The following ARAP2 variants were observed in gnomAD, a reference collection of about 807,000 sequenced individuals.
ARAP2 encodes arf-GAP with Rho-GAP domain, ANK repeat and PH domain-containing protein 2.
A neutral mutation model predicts 194.5 loss-of-function variants in ARAP2; 148 were observed. The ratio of observed to expected loss-of-function variants is 0.76; its 90% CI spans 0.67 to 0.87. ARAP2 has a LOEUF of 0.87. Among genes scored for constraint, ARAP2 ranks in the 40% least tolerant of loss-of-function variants. ARAP2 has a pLI of 0.00. For missense variants in ARAP2, 2,128 were observed against 1,989.7 expected (o/e 1.07, Z -1.32); for synonymous variants, 695 against 683.5 (o/e 1.02, Z -0.26).
chr4:36,179,544 CA>C (rs1221076031), intron 8 of ARAP2, among the ~76,000 whole-genome samples: 1 of 152,162 alleles, frequency 6.6e-6, no homozygotes, highest in Non-Finnish European at 1.5e-5. Flanking sequence ...AAGAAACTGG[CA>C]AACCTTGAGG....
At chr4:36,239,424 T>C (rs535037477) in intron 1 of ARAP2, among the ~76,000 whole-genome samples, 12 of 152,162 alleles carry the variant, frequency 7.9e-5, no homozygotes, top group East Asian at 1.9e-4. Flanking sequence ...GTGTGGTATA[T>C]ACACAAAATG....
At chr4:36,042,779 T>G (rs758756987) in intron 5 of ARAP2, among the ~76,000 whole-genome samples, 2 of 152,116 alleles carry the variant, frequency 1.3e-5, no homozygotes, top group Non-Finnish European at 2.9e-5. Flanking sequence ...CCAGAGTTCA[T>G]TGGGCACTCA....
At chr4:36,107,079 C>G (rs1718612973) in intron 27 of ARAP2, among the ~76,000 whole-genome samples, 1 of 151,932 alleles carries the variant, frequency 6.6e-6, no homozygotes, top group Non-Finnish European at 1.5e-5. Context: ...CTATCTCCTT[C>G]CAGTTGGATG....
At chr4:36,009,062 G>A (rs763300705) in intron 9 of ARAP2, among the ~76,000 whole-genome samples, 3 of 152,008 alleles carry the variant, frequency 2.0e-5, no homozygotes, top group Non-Finnish European at 4.4e-5. Context: ...TGTTGGTGAG[G>A]CTCTGGAAAA....
chr4:36,062,378 T>C (rs1724586897), downstream of ARAP2, among the ~76,000 whole-genome samples: 1 of 152,016 alleles, frequency 6.6e-6, no homozygotes, highest in Admixed American at 6.6e-5. Flanking sequence ...CTCATCTGAG[T>C]TTTGGTTCAT....
chr4:36,240,260 CT>C (rs1404477515), intron 1 of ARAP2, among the ~76,000 whole-genome samples: 1 of 151,910 alleles, frequency 6.6e-6, no homozygotes, highest in Non-Finnish European at 1.5e-5. Flanking sequence ...ATTCATACCA[CT>C]ATATTGCACT....
At chr4:36,145,968 A>G (rs1410345762) in intron 19 of ARAP2, among the ~76,000 whole-genome samples, 1 of 151,962 alleles carries the variant, frequency 6.6e-6, no homozygotes, top group African/African-American at 2.4e-5. Flanking sequence ...TACTCACCAG[A>G]TCCACTTTGC....
chr4:36,083,392 T>C lies in ARAP2; in HGVS notation c.4484A>G (p.Lys1495Arg). 6.2e-7 allele frequency: 1 copy of C among 1,608,902 alleles called. No homozygotes were observed. Among genetic ancestry groups the C allele is most frequent in the Non-Finnish European group, 8.5e-7 (1 of 1,177,988 alleles). ...LSSMKFYRGVKKKMKPPTSWG... is the reference protein window; with the variant it reads ...LSSMKFYRGVRKKMKPPTSWG... ...CCTTGTTGGAGGCTTCATTTTCTTT[T>C]TCACTCCACGATAAAACTTCATGGA... Residue 1495 changes from lysine to arginine, a missense_variant, in exon 29 of 33, where the codon AAA (lysine) becomes AGA (arginine). Coordinates refer to ENST00000303965, the MANE Select transcript of ARAP2 (RefSeq NM_015230.4).
At chr4:36,030,384 A>C (rs1002032198) in intron 5 of ARAP2, among the ~76,000 whole-genome samples, 9 of 152,124 alleles carry the variant, frequency 5.9e-5, no homozygotes, top group Non-Finnish European at 1.0e-4. Flanking sequence ...AATGTCTTCA[A>C]GATGGCAATT....
At chr4:36,112,756 A>G (rs1189955992) in intron 26 of ARAP2, among the ~76,000 whole-genome samples, 2 of 151,884 alleles carry the variant, frequency 1.3e-5, no homozygotes, top group Non-Finnish European at 2.9e-5. Flanking sequence ...ACAAGTACAA[A>G]TCAAGGTAAT....
intron 27 of ARAP2, among the ~76,000 whole-genome samples, chr4:36,104,428 T>C (rs1717835012): frequency 6.6e-6 from 1 of 151,986 alleles, no homozygotes; most frequent in African/African-American, 2.4e-5. Context: ...GCAGAGGTAA[T>C]GAAATGGAGC....
chr4:36,076,474 AT>A (rs1718258373), intron 31 of ARAP2, among the ~76,000 whole-genome samples: 2 of 151,908 alleles, frequency 1.3e-5, no homozygotes, highest in Admixed American at 1.3e-4. Context: ...ACTTGAGAGA[AT>A]TTTCTGTACC....
chr4:36,173,259 T>C (rs1306623042), intron 9 of ARAP2, among the ~76,000 whole-genome samples: 1 of 152,206 alleles, frequency 6.6e-6, no homozygotes, highest in Non-Finnish European at 1.5e-5. Context: ...CTCTTCCTCT[T>C]GTACGCTTGC....
rs905173377 is a variant in ARAP2 at position 36,173,681 on chromosome 4, G to A, written c.1857+4146C>T. Among the ~76,000 whole-genome samples the A allele has an allele frequency of 1.2e-4, 18 of 151,994 alleles. No individual in the cohort carries two copies. The East Asian group carries it at 2.9e-3, about 24-fold the overall frequency. On this transcript the variant is annotated intron_variant, in intron 9 of 32. Coordinates refer to ENST00000303965, the MANE Select transcript of ARAP2 (RefSeq NM_015230.4). ...ATTTGAGAAAAAAAAATTTTAAAGC[G>A]AATTGGAGGAAAAAAAACTCTTCTG...
chr4:36,098,989 C>T (rs1716094890), intron 27 of ARAP2, among the ~76,000 whole-genome samples: 1 of 151,990 alleles, frequency 6.6e-6, no homozygotes, highest in Non-Finnish European at 1.5e-5. Flanking sequence ...ATCAACCCAA[C>T]CCCTAGGTAT....
Position 36,067,937 on chromosome 4 carries a change from T to C in ARAP2, c.5085A>G (p.Lys1695=). Residue 1695 remains lysine, a synonymous_variant, in exon 33 of 33, where the codon AAA becomes AAG. Coordinates refer to ENST00000303965, the MANE Select transcript of ARAP2 (RefSeq NM_015230.4). The part of the protein sequence containing the change: ...VVLQRSRTLP[K]ELQDEQILK ...TCAAAATCTGCTCATCCTGTAATTC[T>C]TTTGGAAGGGTTCTTGACCGTTGTA... 6.3e-7 allele frequency: 1 copy of C among 1,592,394 alleles called. No homozygotes were observed. The highest frequency in any genetic ancestry group is 8.6e-7 in the Non-Finnish European group (1 of 1,168,190).
chr4:36,132,172 AC>A (rs1725604189), intron 20 of ARAP2, among the ~76,000 whole-genome samples: 1 of 151,740 alleles, frequency 6.6e-6, no homozygotes, highest in Non-Finnish European at 1.5e-5. Flanking sequence ...AGTTTCCCAT[AC>A]TAGAAGATAT....
chr4:36,085,286 A>G (rs1577808816), intron 28 of ARAP2, among the ~76,000 whole-genome samples: 1 of 152,054 alleles, frequency 6.6e-6, no homozygotes, highest in African/African-American at 2.4e-5. Context: ...GTTCCCCCAT[A>G]GCTGATAAAT....
intron 19 of ARAP2, among the ~76,000 whole-genome samples, chr4:36,145,767 C>T (rs953335307): frequency 1.3e-5 from 2 of 151,904 alleles, no homozygotes; most frequent in African/African-American, 4.8e-5. Flanking sequence ...TGTGATCATT[C>T]TCCTATTCTA....
Sources: allele counts gnomAD v4.1 joint callset (sites outside exome capture counted in the v4.1 genomes callset), GRCh38; gene constraint gnomAD v4.1.1; transcripts MANE v1.5; gene names NCBI Gene and HGNC (gene_info 2026-07-23, HGNC 2026-07-21).